GATAD2A: variants seen among roughly 807,000 people sequenced by gnomAD.
The protein encoded by GATAD2A is transcriptional repressor p66-alpha.
In GATAD2A, 12 loss-of-function variants were observed where a neutral mutation model predicts 68.5. That is an observed-to-expected ratio of 0.18 (90% CI 0.11 to 0.28). The LOEUF is 0.28. Ranked by LOEUF, GATAD2A falls within the 10% of genes least tolerant of loss-of-function variation. GATAD2A has a pLI of 1.00. For synonymous variants in GATAD2A, 410 were observed against 375.3 expected (o/e 1.09, Z -1.07); for missense variants, 755 against 868.5 (o/e 0.87, Z 1.64).
intron 6 of GATAD2A, 63 bp downstream of exon 6, chr19:19,495,948 A>G (rs1448849439): frequency 6.3e-7 from 1 of 1,591,612 alleles, no homozygotes; most frequent in Non-Finnish European, 8.6e-7. Context: ...CCTTGAAAGT[A>G]GGGCCCTTCC....
intron 2 of GATAD2A, among the ~76,000 whole-genome samples, chr19:19,486,672 G>A (rs985243756): frequency 2.6e-5 from 4 of 152,216 alleles, no homozygotes; most frequent in African/African-American, 9.6e-5. Context: ...GGCATGCAGG[G>A]TGGCTATGAG....
intron 1 of GATAD2A, among the ~76,000 whole-genome samples, chr19:19,388,159 G>A (rs55931635): frequency 0.048 from 7,231 of 151,672 alleles, 250 homozygotes; most frequent in Middle Eastern, 0.14. Context: ...CTGGGTTCAA[G>A]CAATTCTCCT....
chr19:19,492,751 G>A (rs755614422), intron 4 of GATAD2A, 39 bp downstream of exon 4: 1 of 1,608,992 alleles, frequency 6.2e-7, no homozygotes, highest in Non-Finnish European at 8.5e-7. Context: ...GCCAGCAGGA[G>A]CGCCTGGCCT....
chr19:19,405,119 C>A (rs1323208949), upstream of GATAD2A, among the ~76,000 whole-genome samples: 1 of 152,062 alleles, frequency 6.6e-6, no homozygotes, highest in Non-Finnish European at 1.5e-5. Context: ...TGGGAGGTAA[C>A]TGGAGAGGGA....
intron 1 of GATAD2A, among the ~76,000 whole-genome samples, chr19:19,448,237 G>A (rs940087575): frequency 6.6e-6 from 1 of 152,230 alleles, no homozygotes; most frequent in African/African-American, 2.4e-5. Flanking sequence ...AAGACTGCCC[G>A]GACTCCCCCT....
intron 1 of GATAD2A, among the ~76,000 whole-genome samples, chr19:19,386,808 G>A (rs1041781020): frequency 4.6e-5 from 7 of 151,736 alleles, no homozygotes; most frequent in African/African-American, 9.7e-5. Flanking sequence ...TCCTGCCTTT[G>A]ACAGGAACTA....
intron 2 of GATAD2A, 61 bp downstream of exon 2, chr19:19,465,675 T>C: frequency 1.3e-6 from 2 of 1,533,432 alleles, no homozygotes; most frequent in East Asian, 2.4e-5. Flanking sequence ...TGTGCCCAGG[T>C]TGGGGCTGGC....
At chr19:19,484,727 G>T (rs2059315936) in intron 2 of GATAD2A, among the ~76,000 whole-genome samples, 1 of 151,880 alleles carries the variant, frequency 6.6e-6, no homozygotes, top group Non-Finnish European at 1.5e-5. Context: ...TAGAGACGAG[G>T]TTTCACTGTG....
At chr19:19,499,158 G>A (rs1425953377) in intron 8 of GATAD2A, among the ~76,000 whole-genome samples, 1 of 151,870 alleles carries the variant, frequency 6.6e-6, no homozygotes, top group African/African-American at 2.4e-5. Context: ...GGGCAGGCTC[G>A]CATGATCACC....
chr19:19,456,021 G>A (rs1307915301), intron 1 of GATAD2A, among the ~76,000 whole-genome samples: 5 of 151,972 alleles, frequency 3.3e-5, no homozygotes, highest in Admixed American at 1.3e-4. Flanking sequence ...GGGCATGGTG[G>A]TGGGCGCCTG....
At position 19,456,437 on chromosome 19, in the gene GATAD2A, G is replaced by T. The variant is rs12610581; in HGVS notation, c.-6-8903G>T. On this transcript the variant is annotated intron_variant, in intron 1 of 11. Coordinates refer to ENST00000683918, the MANE Select transcript of GATAD2A (RefSeq NM_001384528.1). ...GGTGAGGGTCAGACTTGCAACATTT[G>T]TATATTTCTTAGCCACTGAGCATGT... Among the ~76,000 whole-genome samples the T allele has an allele frequency of 2.9e-3, 441 of 152,248 alleles. 16 individuals carry two copies. In the East Asian group the frequency reaches 0.064, roughly 22 times the overall value.
At chr19:19,466,937 G>GTCCA (rs2057913564) in intron 2 of GATAD2A, among the ~76,000 whole-genome samples, 1 of 152,206 alleles carries the variant, frequency 6.6e-6, no homozygotes, top group South Asian at 2.1e-4. Context: ...AAGAGGAGGA[G>GTCCA]TCCATGTTCA....
intron 1 of GATAD2A, among the ~76,000 whole-genome samples, chr19:19,431,549 C>T (rs1190256401): frequency 6.6e-6 from 1 of 151,406 alleles, no homozygotes; most frequent in African/African-American, 2.4e-5. Flanking sequence ...TAAAAATTAG[C>T]TGGGCGTGGT....
At chr19:19,415,810 G>T (rs2051551189) in intron 1 of GATAD2A, among the ~76,000 whole-genome samples, 2 of 151,720 alleles carry the variant, frequency 1.3e-5, no homozygotes, top group Non-Finnish European at 2.9e-5. Context: ...TAGAGACAGG[G>T]TATCACCATG....
intron 1 of GATAD2A, among the ~76,000 whole-genome samples, chr19:19,390,752 G>C (rs1182948270): frequency 6.6e-6 from 1 of 152,186 alleles, no homozygotes; most frequent in African/African-American, 2.4e-5. Flanking sequence ...CGTATTATGA[G>C]ACTGCTTGAG....
At chr19:19,406,332 G>T (rs1355053243) in intron 1 of GATAD2A, among the ~76,000 whole-genome samples, 1 of 150,630 alleles carries the variant, frequency 6.6e-6, no homozygotes, top group African/African-American at 2.4e-5. Flanking sequence ...GCCGCGAGGC[G>T]CCTCTTCCGA....
intron 1 of GATAD2A, among the ~76,000 whole-genome samples, chr19:19,431,152 A>C (rs1407499536): frequency 6.6e-6 from 1 of 151,984 alleles, no homozygotes; most frequent in African/African-American, 2.4e-5. Context: ...AGATAAAAAC[A>C]GTAAAAGCTC....
intron 1 of GATAD2A, among the ~76,000 whole-genome samples, chr19:19,431,576 C>A (rs537718313): frequency 1.3e-5 from 2 of 151,034 alleles, no homozygotes; most frequent in East Asian, 3.9e-4. Flanking sequence ...TGCCTGTAGT[C>A]CCAGCTGCTC....
intron 1 of GATAD2A, among the ~76,000 whole-genome samples, chr19:19,439,492 A>G (rs2054741433): frequency 2.0e-5 from 3 of 152,036 alleles, no homozygotes; most frequent in African/African-American, 4.8e-5. Context: ...GGAGTCAGGT[A>G]GTGCCGTGGT....
Sources: gnomAD v4.1 joint callset for allele counts (sites outside exome capture counted in the v4.1 genomes callset) on GRCh38, gnomAD v4.1.1 for gene constraint, MANE v1.5 for transcripts, NCBI Gene and HGNC (gene_info 2026-07-23, HGNC 2026-07-21) for gene names.